CTNND2: variants seen among roughly 807,000 people sequenced by gnomAD.
CTNND2 encodes the protein catenin delta-2.
Under a neutral mutation model 144.4 loss-of-function variants are expected in CTNND2, and 22 were observed. The observed-to-expected ratio is 0.15, with a 90% CI of 0.11 to 0.22. CTNND2 has a LOEUF of 0.22. CTNND2 is among the 10% of genes least tolerant of loss of function. CTNND2 has a pLI of 1.00. For synonymous variants in CTNND2, 751 were observed against 695.6 expected (o/e 1.08, Z -1.25); for missense variants, 1,353 against 1,618.8 (o/e 0.84, Z 2.82).
intron 7 of CTNND2, among the ~76,000 whole-genome samples, chr5:11,373,637 A>G (rs10513088): frequency 0.033 from 5,031 of 152,238 alleles, 269 homozygotes; most frequent in East Asian, 0.15. Context: ...GGAATAGTTC[A>G]AAGATTCTCC....
intron 1 of CTNND2, among the ~76,000 whole-genome samples, chr5:11,863,320 G>A (rs900776936): frequency 1.3e-5 from 2 of 152,078 alleles, no homozygotes; most frequent in African/African-American, 4.8e-5. Context: ...AGGACTTGAG[G>A]GCTGTAGTTC....
rs190876483 is a variant in CTNND2, at chr5:11,514,883, A to G, written c.287+50061T>C. Among the ~76,000 whole-genome samples the G allele has an allele frequency of 3.3e-5, 5 of 152,296 alleles. No individual in the cohort carries two copies. In the East Asian group the frequency reaches 9.7e-4, roughly 29 times the overall value. On this transcript the variant is annotated intron_variant, in intron 3 of 21. Coordinates refer to ENST00000304623, the MANE Select transcript of CTNND2 (RefSeq NM_001332.4). ...AGTGGTGCGATCGTGGCTCACTGCA[A>G]CTTCCAGCTCCCAGGTTCAAGCAAT...
At chr5:11,020,341 T>C (rs1226757440) in intron 17 of CTNND2, among the ~76,000 whole-genome samples, 1 of 152,014 alleles carries the variant, frequency 6.6e-6, no homozygotes, top group East Asian at 1.9e-4. Context: ...CAAATAAAAA[T>C]CAGGTTTGAA....
At chr5:11,276,323 C>T (rs541366917) in intron 9 of CTNND2, among the ~76,000 whole-genome samples, 7 of 152,304 alleles carry the variant, frequency 4.6e-5, no homozygotes, top group African/African-American at 1.7e-4. Flanking sequence ...GGGCAGAGAA[C>T]AGATGTGAGC....
intron 3 of CTNND2, among the ~76,000 whole-genome samples, chr5:11,432,317 C>T (rs1581182351): frequency 1.3e-5 from 2 of 148,988 alleles, no homozygotes; most frequent in Non-Finnish European, 3.0e-5. Context: ...ATGAAATTTA[C>T]CAGGGAAGAC....
intron 2 of CTNND2, among the ~76,000 whole-genome samples, chr5:11,578,817 T>C (rs1778177515): frequency 1.3e-5 from 2 of 152,184 alleles, no homozygotes; most frequent in South Asian, 4.1e-4. Flanking sequence ...CAGAGATAGC[T>C]GGCCCATTGG....
intron 1 of CTNND2, among the ~76,000 whole-genome samples, chr5:11,882,302 C>T (rs960376671): frequency 1.3e-5 from 2 of 151,994 alleles, no homozygotes; most frequent in African/African-American, 4.8e-5. Context: ...TTGCCCAGAC[C>T]AAAATCATAC....
intron 2 of CTNND2, among the ~76,000 whole-genome samples, chr5:11,626,505 T>C (rs1781164148): frequency 6.6e-6 from 1 of 152,182 alleles, no homozygotes; most frequent in Non-Finnish European, 1.5e-5. Context: ...TTATATTCCA[T>C]CAACCATCAC....
At chr5:11,295,347 G>A (rs1209156735) in intron 9 of CTNND2, among the ~76,000 whole-genome samples, 1 of 152,062 alleles carries the variant, frequency 6.6e-6, no homozygotes, top group Non-Finnish European at 1.5e-5. Context: ...ACAAACAAAT[G>A]GAAGAACATT....
intron 3 of CTNND2, among the ~76,000 whole-genome samples, chr5:11,542,770 TG>T (rs1774872621): frequency 6.6e-6 from 1 of 152,194 alleles, no homozygotes; most frequent in African/African-American, 2.4e-5. Flanking sequence ...TGCCACTTCT[TG>T]TTCATCACAA....
At chr5:11,151,721 A>G (rs909869490) in intron 12 of CTNND2, among the ~76,000 whole-genome samples, 1 of 152,254 alleles carries the variant, frequency 6.6e-6, no homozygotes, top group African/African-American at 2.4e-5. Context: ...AAGTTTGCAG[A>G]AATAAGTGAT....
chr5:11,651,786 G>A (rs1206468403), intron 2 of CTNND2, among the ~76,000 whole-genome samples: 1 of 152,290 alleles, frequency 6.6e-6, no homozygotes, highest in Admixed American at 6.5e-5. Context: ...TAGCCTCTTT[G>A]TTTTGGCTGA....
chr5:11,756,645 CAT>C (rs1190343723), intron 1 of CTNND2, among the ~76,000 whole-genome samples: 2 of 11,264 alleles, frequency 1.8e-4, no homozygotes, highest in Non-Finnish European at 6.6e-4. Flanking sequence ...CACACACATA[CAT>C]ACACACACAC....
At chr5:11,889,220 G>A (rs947969485) in intron 1 of CTNND2, among the ~76,000 whole-genome samples, 1 of 152,194 alleles carries the variant, frequency 6.6e-6, no homozygotes, top group Admixed American at 6.5e-5. Context: ...GAAGGGGCCA[G>A]AATGCCACCT....
chr5:11,662,609 C>T (rs1266409194), intron 2 of CTNND2, among the ~76,000 whole-genome samples: 9 of 152,086 alleles, frequency 5.9e-5, no homozygotes, highest in Admixed American at 5.9e-4. Context: ...AAATGTTAAT[C>T]TCCTTCGGCA....
intron 3 of CTNND2, 121 bp from the exon 4 acceptor site, chr5:11,412,190 T>C (rs31750): frequency 3.1e-4 from 216 of 691,806 alleles, no homozygotes; most frequent in Non-Finnish European, 5.2e-4. Flanking sequence ...TTTCCTTTCA[T>C]TTCTTACTAT....
chr5:11,892,488 T>C (rs1737048369), intron 1 of CTNND2, among the ~76,000 whole-genome samples: 1 of 152,160 alleles, frequency 6.6e-6, no homozygotes, highest in Non-Finnish European at 1.5e-5. Flanking sequence ...ACATAAGTCC[T>C]GGGTACACAT....
In CTNND2 at chr5:11,089,837, C is replaced by T. The variant is rs571099661; in HGVS notation, c.2638-6991G>A. The stretch of plus-strand genomic sequence containing the variant: ...CCAGCCTGGCCAATATAGTGAAACT[C>T]CATCTCTACTAAAAATACAAAAATT... On this transcript the variant is annotated intron_variant, in intron 15 of 21. Coordinates refer to ENST00000304623, the MANE Select transcript of CTNND2 (RefSeq NM_001332.4). Among the ~76,000 whole-genome samples, 16 of 152,262 alleles carry T rather than the reference C, an allele frequency of 1.1e-4. No homozygotes were observed. The East Asian group carries it at 2.7e-3, about 26-fold the overall frequency.
chr5:11,817,411 GA>G (rs1561829688), intron 1 of CTNND2, among the ~76,000 whole-genome samples: 7 of 378 alleles, frequency 0.019, no homozygotes, highest in East Asian at 0.17. Context: ...AGAGAGGAGG[GA>G]GAGAGAGAGA....
Sources: allele counts gnomAD v4.1 joint callset (sites outside exome capture counted in the v4.1 genomes callset), GRCh38; gene constraint gnomAD v4.1.1; transcripts MANE v1.5; gene names NCBI Gene and HGNC (gene_info 2026-07-23, HGNC 2026-07-21).